CLRN1: variants seen among roughly 807,000 people sequenced by gnomAD.
The protein encoded by CLRN1 is clarin-1.
In CLRN1, 15 loss-of-function variants were observed where a neutral mutation model predicts 18.7. The ratio of observed to expected loss-of-function variants is 0.80; its 90% confidence interval spans 0.54 to 1.23. The LOEUF (loss-of-function observed/expected upper bound fraction) is 1.23. Among genes scored for constraint, CLRN1 ranks in the 50% most tolerant of loss-of-function variants. The pLI is 0.00. For synonymous variants in CLRN1, 104 were observed against 102.9 expected, an observed-to-expected ratio of 1.01 and a Z score of -0.07; for missense variants, 311 against 277.5, an observed-to-expected ratio of 1.12 and a Z score of -0.86.
chr3:150,928,212 AG>A lies in CLRN1; in HGVS notation c.434-12del. ...GACAGCCACAGGAGCCTGCAACAGA[AG>A]AAACAAGGTGTTGGGACAAATATTT... On this transcript the variant is annotated splice_polypyrimidine_tract_variant and intron_variant, in intron 2 of 2. Transcript: ENST00000327047. 5 of 1,613,930 alleles carry A rather than the reference AG, an allele frequency of 3.1e-6. No individual in the cohort carries two copies. The highest frequency in any genetic ancestry group is 3.4e-6 in the Non-Finnish European group (4 of 1,179,966).
intron 1 of CLRN1, among the ~76,000 whole-genome samples, chr3:150,951,351 T>TA (rs1406644546): frequency 2.9e-5 from 4 of 140,202 alleles, no homozygotes; most frequent in Admixed American, 7.2e-5. Flanking sequence ...ATATATATAT[T>TA]TTTTGAGACA....
chr3:150,927,253 A>G lies in CLRN1; in HGVS notation c.*683T>C, dbSNP rs1231949225. 4.3e-6 allele frequency: 2 copies of G among 463,200 alleles called. No homozygotes were observed. The highest frequency in any genetic ancestry group is 1.3e-4 in the East Asian group (2 of 15,356). 28.7% of individuals were successfully genotyped at this position (463,200 alleles called of 1,614,324 possible). The stretch of plus-strand genomic sequence containing the variant: ...TTGACCAACAGACATGGTTAATAAG[A>G]CTATGCTTTTTTAAAGCCTATATTT... On this transcript the variant is annotated 3_prime_UTR_variant, in exon 3 of 3. Coordinates refer to ENST00000327047, the MANE Select transcript of CLRN1 (RefSeq NM_174878.3).
At chr3:150,953,944 A>G (rs1714613391) in intron 1 of CLRN1, among the ~76,000 whole-genome samples, 1 of 152,242 alleles carries the variant, frequency 6.6e-6, no homozygotes. Context: ...TAACTTGCCC[A>G]AAGTCGCACA....
intron 1 of CLRN1, among the ~76,000 whole-genome samples, chr3:150,943,305 T>C (rs1274894157): frequency 6.6e-6 from 1 of 152,200 alleles, no homozygotes; most frequent in Non-Finnish European, 1.5e-5. Flanking sequence ...TTATGAATAA[T>C]GTCTTTTTAC....
At chr3:150,944,582 G>T (rs958869157) in intron 1 of CLRN1, among the ~76,000 whole-genome samples, 1 of 151,750 alleles carries the variant, frequency 6.6e-6, no homozygotes, top group African/African-American at 2.4e-5. Context: ...AATCCAGGCC[G>T]GGTGCGGTGG....
rs565400473 is a variant in CLRN1, at chr3:150,941,679, G to C, written c.336C>G (p.Thr112=). 2.0e-5 allele frequency: 33 copies of C among 1,614,010 alleles called. No individual in the cohort carries two copies. The South Asian group carries it at 3.3e-4, about 16-fold the overall frequency. ...ACATGAAGAAGGCTGTCCCCACCAT[G>C]GTTAACACAATAAGGATGGCAGAGA... ...ILFSAILIVL[T]MVGTAFFMYN... The change falls in exon 2 of 3, where the codon ACC becomes ACG. Residue 112 remains threonine, a synonymous_variant. Coordinates refer to ENST00000327047, the MANE Select transcript of CLRN1 (RefSeq NM_174878.3).
rs181037727 is a variant in CLRN1 at position 150,969,858 on chromosome 3, C to G, written c.253+2598G>C. Among the ~76,000 whole-genome samples, 1,443 of 152,146 alleles carry G rather than the reference C, an allele frequency of 9.5e-3. 4 individuals are homozygous for G. The highest frequency in any genetic ancestry group is 0.015 in the Non-Finnish European group (1,033 of 67,992). On this transcript the variant is annotated intron_variant, in intron 1 of 2. Transcript: ENST00000327047. ...GGGCATGGTGGTGCACGCCTGTAGT[C>G]CCAGCTACTTGGGAGGCTGAGGCAG...
At chr3:150,965,000 G>A (rs1000717316) in intron 1 of CLRN1, among the ~76,000 whole-genome samples, 6 of 152,068 alleles carry the variant, frequency 3.9e-5, no homozygotes, top group African/African-American at 1.5e-4. Flanking sequence ...GTATACCTAT[G>A]TAACAAACCT....
At chr3:150,950,790 C>T (rs762224179) in intron 1 of CLRN1, among the ~76,000 whole-genome samples, 4 of 152,138 alleles carry the variant, frequency 2.6e-5, no homozygotes, top group Non-Finnish European at 2.9e-5. Context: ...ACCCAGCAAT[C>T]CCATTACTAC....
At chr3:150,931,823 A>G (rs1015550556) in intron 2 of CLRN1, among the ~76,000 whole-genome samples, 8 of 152,160 alleles carry the variant, frequency 5.3e-5, no homozygotes, top group African/African-American at 1.4e-4. Flanking sequence ...CCAGTTGGAC[A>G]GATTCCTTAT....
At position 150,972,392 on chromosome 3, in the gene CLRN1, T is replaced by A. The variant is rs557741573; in HGVS notation, c.253+64A>T. 6 of 1,610,820 alleles carry A rather than the reference T, an allele frequency of 3.7e-6. No homozygotes were observed. In the Admixed American group the frequency reaches 1.0e-4, roughly 27 times the overall value. ...ACACGGCAAAATTCTCAAATATAATTCCTCGCAACACTGGGAAGAGTCTGC... is the reference window on the plus strand; with the variant it reads ...ACACGGCAAAATTCTCAAATATAATACCTCGCAACACTGGGAAGAGTCTGC... On this transcript the variant is annotated intron_variant, in intron 1 of 2. Coordinates refer to ENST00000327047, the MANE Select transcript of CLRN1 (RefSeq NM_174878.3).
intron 2 of CLRN1, among the ~76,000 whole-genome samples, chr3:150,934,691 T>C (rs1234788126): frequency 6.6e-6 from 1 of 152,146 alleles, no homozygotes; most frequent in Non-Finnish European, 1.5e-5. Flanking sequence ...TAGAATGGAA[T>C]ATATAAAAGG....
chr3:150,941,867 A>T (rs1335141884), intron 1 of CLRN1, 106 bp from the exon 2 acceptor site: 3 of 1,023,830 alleles, frequency 2.9e-6, no homozygotes, highest in Non-Finnish European at 4.5e-6. Flanking sequence ...ACATCACTAA[A>T]ATCCTTCTGA....
At chr3:150,960,061 G>C (rs369694889) in intron 1 of CLRN1, among the ~76,000 whole-genome samples, 1 of 152,124 alleles carries the variant, frequency 6.6e-6, no homozygotes, top group Admixed American at 6.6e-5. Context: ...GGTTGGGCAG[G>C]ATGTGGCTTT....
intron 1 of CLRN1, among the ~76,000 whole-genome samples, chr3:150,957,117 T>C (rs936643407): frequency 2.0e-5 from 3 of 152,106 alleles, no homozygotes; most frequent in Non-Finnish European, 4.4e-5. Flanking sequence ...AGACTCATCC[T>C]TTCTCATCTT....
chr3:150,941,138 G>GTCTATCTA (rs59227042), intron 2 of CLRN1, among the ~76,000 whole-genome samples: 9,874 of 141,430 alleles, frequency 0.07, 554 homozygotes, highest in East Asian at 0.14. Context: ...CTGTCTGTCT[G>GTCTATCTA]TCTATCTATC....
chr3:150,934,825 TTC>T (rs1464996834), intron 2 of CLRN1, among the ~76,000 whole-genome samples: 1 of 151,884 alleles, frequency 6.6e-6, no homozygotes, highest in East Asian at 1.9e-4. Flanking sequence ...CTCTTTCTCT[TTC>T]TCTCTCTCTG....
chr3:150,965,325 A>G (rs926983505), intron 1 of CLRN1, among the ~76,000 whole-genome samples: 1 of 152,204 alleles, frequency 6.6e-6, no homozygotes, highest in African/African-American at 2.4e-5. Flanking sequence ...AATACATACA[A>G]AATGCCTGGC....
chr3:150,970,974 A>T (rs1318712137), intron 1 of CLRN1, among the ~76,000 whole-genome samples: 1 of 152,218 alleles, frequency 6.6e-6, no homozygotes, highest in Non-Finnish European at 1.5e-5. Flanking sequence ...GTTTTGAAAC[A>T]TGTCCTATGG....
Sources: gnomAD v4.1 joint callset for allele counts (sites outside exome capture counted in the v4.1 genomes callset) on GRCh38, gnomAD v4.1.1 for gene constraint, MANE v1.5 for transcripts, NCBI Gene and HGNC (gene_info 2026-07-23, HGNC 2026-07-21) for gene names.